The following CHRND variants were observed in gnomAD, a reference collection of about 807,000 sequenced individuals.
CHRND encodes the protein cholinergic receptor nicotinic delta subunit.
In CHRND, 40 loss-of-function variants were observed where a neutral mutation model predicts 57.8. That is an observed-to-expected ratio of 0.69 (90% confidence interval 0.54 to 0.90). CHRND has a LOEUF of 0.90. Among genes scored for constraint, CHRND ranks in the 40% least tolerant of loss-of-function variants. The pLI is 0.00. For missense variants in CHRND, 634 were observed against 673.9 expected (o/e 0.94, Z 0.66); for synonymous variants, 237 against 270.6 (o/e 0.88, Z 1.22).
At chr2:232,534,712 T>C (rs1691823725) in intron 11 of CHRND, among the ~76,000 whole-genome samples, 2 of 152,202 alleles carry the variant, frequency 1.3e-5, no homozygotes, top group African/African-American at 4.8e-5. Flanking sequence ...TATTCAACAT[T>C]ATACAACTTC....
chr2:232,526,396 C>A, intron 1 of CHRND, 129 bp downstream of exon 1: 2 of 1,517,258 alleles, frequency 1.3e-6, no homozygotes, highest in East Asian at 2.3e-5. Context: ...CTTCTGGGGT[C>A]CCCACTCCCA....
rs766454882 is a variant in CHRND, at chr2:232,536,568, A to G, written c.*1256A>G. The G allele has an allele frequency of 7.2e-6, 3 of 415,354 alleles. No individual in the cohort carries two copies. Among genetic ancestry groups the G allele is most frequent in the Non-Finnish European group, 9.7e-6 (2 of 205,438 alleles). The allele number at this position is 415,354 out of a possible 1,614,324, so 25.7% of individuals were successfully genotyped here. A position where few individuals can be genotyped will look rare whatever the true frequency, so the allele number is the denominator to read the frequency against. ...CAGTAGACATCTTATGTGCAGCCCC[A>G]TGAAAGTCCCTAAGCCAGAACCACC... On this transcript the variant is annotated 3_prime_UTR_variant, in exon 12 of 12. Transcript: ENST00000258385.
rs1260927078 is a variant in CHRND, at chr2:232,535,303, C to A, written c.1545C>A (p.Arg515=). 1 of 1,613,514 alleles carries A rather than the reference C, an allele frequency of 6.2e-7. No homozygotes were observed. Among genetic ancestry groups the A allele is most frequent in the Admixed American group, 1.7e-5 (1 of 60,004 alleles). ...ACTCCTACAACGTGCAGGACAAGCG[C>A]TTCATCTAGGGTGGGCCTGTTGGGG... is the stretch of plus-strand genomic sequence containing the variant. ...DPYSYNVQDK[R]FI The change falls in exon 12 of 12, where the codon CGC becomes CGA. Residue 515 remains arginine, a synonymous_variant. Coordinates refer to ENST00000258385, the MANE Select transcript of CHRND (RefSeq NM_000751.3).
rs550396498 is a variant in CHRND at position 232,526,634 on chromosome 2, A to G, written c.158A>G (p.Asp53Gly). The change falls in exon 2 of 12, where the codon GAC becomes GGC. Residue 53 changes from aspartate (D) to glycine (G), a missense_variant. By Grantham distance (94) the Asp-to-Gly change is moderately conservative. Transcript: ENST00000258385. ...GTGGCACACAAAGAGGAGAGTGTGG[A>G]CGTTGCCCTGGCCCTCACACTCTCC... The part of the protein sequence containing the change: ...RPVAHKEESV[D>G]VALALTLSNL... 19 of 1,613,626 alleles carry G rather than the reference A, an allele frequency of 1.2e-5. No homozygotes were observed. Among genetic ancestry groups the G allele is most frequent in the Admixed American group, 8.3e-5 (5 of 60,026 alleles).
At chr2:232,534,389 T>A (rs1309375887) in intron 11 of CHRND, 47 bp downstream of exon 11, 2 of 1,553,456 alleles carry the variant, frequency 1.3e-6, no homozygotes, top group East Asian at 4.5e-5. Flanking sequence ...AGTAGGGCAC[T>A]GATTAAGTGT....
rs975019066 is a variant in CHRND at position 232,535,873 on chromosome 2, G to A, written c.*561G>A. On this transcript the variant is annotated 3_prime_UTR_variant, in exon 12 of 12. Coordinates refer to ENST00000258385, the MANE Select transcript of CHRND (RefSeq NM_000751.3). ...AGGTCCCTTTGGGAAGTTGAGGACTGGAGTGGAAAGGTCAGGATCGACATC... is the reference window on the plus strand; with the variant it reads ...AGGTCCCTTTGGGAAGTTGAGGACTAGAGTGGAAAGGTCAGGATCGACATC... 2.2e-6 allele frequency: 1 copy of A among 453,962 alleles called. No individual in the cohort carries two copies. The highest frequency in any genetic ancestry group is 2.0e-5 in the African/African-American group (1 of 49,978). The allele number at this position is 453,962 out of a possible 1,614,324, so 28.1% of individuals were successfully genotyped here. A position where few individuals can be genotyped will look rare whatever the true frequency, so the allele number is the denominator to read the frequency against.
At position 232,526,652 on chromosome 2, in the gene CHRND, C is replaced by A. The variant is rs777367573; in HGVS notation, c.176C>A (p.Thr59Lys). The A allele has an allele frequency of 6.2e-7, 1 of 1,613,632 alleles. No individual in the cohort carries two copies. The change falls in exon 2 of 12, where the codon ACA becomes AAA. Residue 59 changes from threonine (T) to lysine (K), a missense_variant. Thr to Lys is a moderately conservative substitution (Grantham distance 78). Transcript: ENST00000258385. The part of the protein sequence containing the change: ...EESVDVALAL[T>K]LSNLISLKEV... ...AGTGTGGACGTTGCCCTGGCCCTCA[C>A]ACTCTCCAACCTCATCTCCCTGGTG... is the stretch of plus-strand genomic sequence containing the variant.
In CHRND at chr2:232,536,242, C is replaced by T. The variant is rs1402524405; in HGVS notation, c.*930C>T. On this transcript the variant is annotated 3_prime_UTR_variant, in exon 12 of 12. Transcript: ENST00000258385. ...CCCAGTGATGCCCAGTATTCACACC[C>T]TTGTGCAGTCCCCTCACTCTGTACC... is the stretch of plus-strand genomic sequence containing the variant. 1 of 454,022 alleles carries T rather than the reference C, an allele frequency of 2.2e-6. No homozygotes were observed. Among genetic ancestry groups the T allele is most frequent in the Admixed American group, 2.3e-5 (1 of 42,558 alleles). The allele number at this position is 454,022 out of a possible 1,614,324, so 28.1% of individuals were successfully genotyped here. A position where few individuals can be genotyped will look rare whatever the true frequency, so the allele number is the denominator to read the frequency against.
intron 2 of CHRND, 150 bp downstream of exon 2, chr2:232,526,824 G>A: frequency 2.5e-6 from 2 of 809,084 alleles, no homozygotes; most frequent in Non-Finnish European, 4.0e-6. Flanking sequence ...GCCCTGAGAG[G>A]CTGCTGTCCT....
At chr2:232,530,267 G>A in intron 7 of CHRND, 128 bp downstream of exon 7, 2 of 1,007,806 alleles carry the variant, frequency 2.0e-6, no homozygotes, top group South Asian at 2.7e-5. Flanking sequence ...CTCCCTGCCT[G>A]GATCCAGGTG....
chr2:232,535,545 G>C lies in CHRND; in HGVS notation c.*233G>C, dbSNP rs1460966136. 3 of 693,934 alleles carry C rather than the reference G, an allele frequency of 4.3e-6. No homozygotes were observed. The highest frequency in any genetic ancestry group is 1.8e-5 in the African/African-American group (1 of 56,976). 43.0% of individuals were successfully genotyped at this position (693,934 alleles called of 1,614,324 possible). ...TACAGTGGGTGGGCAGGACGATTTG[G>C]GGGGAGGCCCGAGGCTGGCTCAGGG... On this transcript the variant is annotated 3_prime_UTR_variant, in exon 12 of 12. Transcript: ENST00000258385.
At position 232,528,354 on chromosome 2, in the gene CHRND, G is replaced by A. The variant is rs1180892537; in HGVS notation, c.336G>A (p.Glu112=). 1 of 1,613,988 alleles carries A rather than the reference G, an allele frequency of 6.2e-7. No individual in the cohort carries two copies. Among genetic ancestry groups the A allele is most frequent in the African/African-American group, 1.3e-5 (1 of 74,890 alleles). ...RLPPDMVWLP[E]IVLENNNDGS... is the part of the protein sequence containing the mutation. ...CCCCGGACATGGTGTGGCTCCCAGAGATTGTGCTGGAGAACAAGTTGAGCC... is the reference window on the plus strand; with the variant it reads ...CCCCGGACATGGTGTGGCTCCCAGAAATTGTGCTGGAGAACAAGTTGAGCC... The change falls in exon 4 of 12, where the codon GAG becomes GAA. Residue 112 remains glutamate, a synonymous_variant. Transcript: ENST00000258385.
chr2:232,530,289 T>G (rs1691641147), intron 7 of CHRND, 150 bp downstream of exon 7: 1 of 814,204 alleles, frequency 1.2e-6, no homozygotes, highest in Non-Finnish European at 2.0e-6. Context: ...GAGGGCCAGG[T>G]GGCCACCCAG....
At chr2:232,529,736 C>G (rs1487226154) in intron 6 of CHRND, among the ~76,000 whole-genome samples, 1 of 152,202 alleles carries the variant, frequency 6.6e-6, no homozygotes, top group African/African-American at 2.4e-5. Context: ...AAAAAGAAAT[C>G]AGTCACAGAG....
At chr2:232,527,297 C>T (rs569475168) in intron 2 of CHRND, 104 bp from the exon 3 acceptor site, 4 of 1,039,200 alleles carry the variant, frequency 3.8e-6, no homozygotes, top group Admixed American at 1.7e-5. Context: ...TTGAGCAAGA[C>T]CCTGGAAAAA....
At position 232,526,553 on chromosome 2, in the gene CHRND, A is replaced by G; in HGVS notation, c.77A>G (p.Glu26Gly). Reference protein sequence around the residue: ...VCGSWGLNEEERLIRHLFQEK... With the variant: ...VCGSWGLNEEGRLIRHLFQEK... ...GGCAGCTGGGGGCTGAACGAGGAGG[A>G]GCGGCTGATCCGGCACCTGTTTCAA... Residue 26 changes from glutamate to glycine, a missense_variant, in exon 2 of 12, where the codon GAG becomes GGG. Coordinates refer to ENST00000258385, the MANE Select transcript of CHRND (RefSeq NM_000751.3). 6.2e-7 allele frequency: 1 copy of G among 1,613,604 alleles called. No individual in the cohort carries two copies. Among genetic ancestry groups the G allele is most frequent in the Non-Finnish European group, 8.5e-7 (1 of 1,180,004 alleles).
rs773210402 is a variant in CHRND at position 232,535,166 on chromosome 2, G to C, written c.1408G>C (p.Asp470His). The C allele has an allele frequency of 1.2e-6, 2 of 1,614,196 alleles. No individual in the cohort carries two copies. Among genetic ancestry groups the C allele is most frequent in the East Asian group, 2.2e-5 (1 of 44,886 alleles). Residue 470 changes from aspartate to histidine, a missense_variant, in exon 12 of 12, where the codon GAC (aspartate) becomes CAC (histidine). Transcript: ENST00000258385. ...CTGGAACCGAGTGGCCCGCACAGTG[G>C]ACCGCCTCTGCCTGTTTGTGGTGAC... ...DSWNRVARTV[D>H]RLCLFVVTPV...
rs1405358013 is a variant in CHRND, at chr2:232,535,182, T to C, written c.1424T>C (p.Phe475Ser). 2 of 1,614,160 alleles carry C rather than the reference T, an allele frequency of 1.2e-6. No individual in the cohort carries two copies. Among genetic ancestry groups the C allele is most frequent in the Non-Finnish European group, 1.7e-6 (2 of 1,180,014 alleles). Reference sequence around the variant, plus strand: ...CGCACAGTGGACCGCCTCTGCCTGTTTGTGGTGACGCCTGTCATGGTGGTG... The same window carrying C: ...CGCACAGTGGACCGCCTCTGCCTGTCTGTGGTGACGCCTGTCATGGTGGTG... ...VARTVDRLCL[F>S]VVTPVMVVGT... Residue 475 changes from phenylalanine (F) to serine (S), a missense_variant, in exon 12 of 12, where the codon TTT becomes TCT. By Grantham distance (155) the Phe-to-Ser change is radical (BLOSUM62 -2). Transcript: ENST00000258385.
In CHRND at chr2:232,526,594, A is replaced by G. The variant is rs1475752234; in HGVS notation, c.118A>G (p.Lys40Glu). The change falls in exon 2 of 12, where the codon AAG (lysine) becomes GAG (glutamate). Residue 40 changes from lysine (K) to glutamate (E), a missense_variant. Transcript: ENST00000258385. The stretch of plus-strand genomic sequence containing the variant: ...CCTGTTTCAAGAGAAGGGCTACAAC[A>G]AGGAGCTCCGGCCCGTGGCACACAA... ...RHLFQEKGYN[K>E]ELRPVAHKEE... 1.9e-6 allele frequency: 3 copies of G among 1,613,710 alleles called. No individual in the cohort carries two copies. Among genetic ancestry groups the G allele is most frequent in the Non-Finnish European group, 8.5e-7 (1 of 1,179,988 alleles).
Sources: gnomAD v4.1 joint callset for allele counts (sites outside exome capture counted in the v4.1 genomes callset) on GRCh38, gnomAD v4.1.1 for gene constraint, MANE v1.5 for transcripts, NCBI Gene and HGNC (gene_info 2026-07-23, HGNC 2026-07-21) for gene names.